Variants in CADM2 observed in about 807,000 individuals in gnomAD.
The protein encoded by CADM2 is immunoglobulin superfamily member 4D.
CADM2 carries 12 observed loss-of-function variants against 49.8 expected under a neutral mutation model. The observed-to-expected ratio is 0.24, with a 90% CI of 0.15 to 0.39. The LOEUF is 0.39. Ranked by LOEUF, CADM2 falls within the 10% of genes least tolerant of loss-of-function variation. CADM2 has a pLI of 1.00. For missense variants in CADM2, 378 were observed against 492.3 expected, an observed-to-expected ratio of 0.77 and a Z score of 2.20; for synonymous variants, 214 against 175.4, an observed-to-expected ratio of 1.22 and a Z score of -1.74.
intron 8 of CADM2, among the ~76,000 whole-genome samples, chr3:85,996,102 AAAAAAT>A (rs1209265384): frequency 6.6e-6 from 1 of 150,434 alleles, no homozygotes; most frequent in Non-Finnish European, 1.5e-5. Context: ...AAAAAAAAAT[AAAAAAT>A]AAAAATAAAA....
At chr3:86,011,301 T>A (rs904974268) in intron 8 of CADM2, among the ~76,000 whole-genome samples, 4 of 152,156 alleles carry the variant, frequency 2.6e-5, no homozygotes, top group African/African-American at 9.6e-5. Flanking sequence ...AAAAGTAAGT[T>A]CATTCACACT....
intron 1 of CADM2, chr3:85,512,026 T>A (rs2040641794): frequency 8.9e-6 from 2 of 224,130 alleles, no homozygotes; most frequent in African/African-American, 4.7e-5. Context: ...CTCATTACAT[T>A]CACAGGGTAC....
intron 5 of CADM2, among the ~76,000 whole-genome samples, chr3:85,911,747 T>C (rs867379694): frequency 5.3e-5 from 8 of 152,144 alleles, no homozygotes; most frequent in East Asian, 1.9e-4. Flanking sequence ...GTAAAACTTA[T>C]AGCTAAGAGA....
intron 2 of CADM2, chr3:85,800,153 G>C (rs2071911957): frequency 6.6e-6 from 1 of 152,362 alleles, no homozygotes; most frequent in Middle Eastern, 3.4e-3. Context: ...GCTCCACCTA[G>C]TCTGAACTTC....
At chr3:85,602,484 A>T (rs921294866) in intron 1 of CADM2, among the ~76,000 whole-genome samples, 2 of 151,844 alleles carry the variant, frequency 1.3e-5, no homozygotes, top group Admixed American at 6.6e-5. Flanking sequence ...TCCAATAACA[A>T]ATCCAACAAC....
chr3:85,302,789 G>A (rs915957936), intron 1 of CADM2, among the ~76,000 whole-genome samples: 1 of 151,894 alleles, frequency 6.6e-6, no homozygotes, highest in Admixed American at 6.6e-5. Context: ...TTCTTCAACA[G>A]CTATGTAATA....
intron 3 of CADM2, among the ~76,000 whole-genome samples, chr3:85,867,847 C>T (rs2075781929): frequency 6.6e-6 from 1 of 152,052 alleles, no homozygotes; most frequent in South Asian, 2.1e-4. Flanking sequence ...ATCACCACTT[C>T]CTTTTCCTTT....
intron 1 of CADM2, among the ~76,000 whole-genome samples, chr3:85,450,838 A>G (rs1210142305): frequency 1.3e-5 from 2 of 152,098 alleles, no homozygotes; most frequent in Non-Finnish European, 2.9e-5. Context: ...AATAAAATAA[A>G]AAGACTATGA....
intron 1 of CADM2, among the ~76,000 whole-genome samples, chr3:85,382,159 T>G (rs569057953): frequency 4.6e-5 from 7 of 152,112 alleles, no homozygotes; most frequent in African/African-American, 1.7e-4. Context: ...AAAAATAAAA[T>G]GAGCTAAAAC....
chr3:85,322,146 G>T lies in CADM2; in HGVS notation c.61+362478G>T, dbSNP rs111934119. Among the ~76,000 whole-genome samples, 943 of 152,230 alleles carry T rather than the reference G, an allele frequency of 6.2e-3. 8 individuals are homozygous for T. Among genetic ancestry groups the T allele is most frequent in the African/African-American group, 0.021 (858 of 41,556 alleles). On this transcript the variant is annotated intron_variant, in intron 1 of 9. Coordinates refer to ENST00000383699, the MANE Select transcript of CADM2 (RefSeq NM_001167675.2). ...ACATTTCAAATAACCAACAGTCCCA[G>T]TGTAAAATAAAAGTGTTCCATTGAG...
At chr3:86,043,846 G>A (rs1015129126) in intron 8 of CADM2, among the ~76,000 whole-genome samples, 2 of 152,068 alleles carry the variant, frequency 1.3e-5, no homozygotes, top group African/African-American at 2.4e-5. Context: ...CAGCATGGTA[G>A]TGGTACCAAA....
At chr3:85,769,783 C>T (rs976146146) in intron 2 of CADM2, among the ~76,000 whole-genome samples, 13 of 150,628 alleles carry the variant, frequency 8.6e-5, no homozygotes, top group African/African-American at 1.7e-4. Context: ...CTTGGTTTTG[C>T]GTGATTTTGA....
intron 1 of CADM2, among the ~76,000 whole-genome samples, chr3:85,014,832 G>C (rs13081745): frequency 1.3e-5 from 2 of 151,916 alleles, no homozygotes; most frequent in Non-Finnish European, 2.9e-5. Flanking sequence ...ATGCTTTCGG[G>C]CACGCAAAAC....
At chr3:85,247,599 T>C (rs889950321) in intron 1 of CADM2, among the ~76,000 whole-genome samples, 4 of 152,156 alleles carry the variant, frequency 2.6e-5, no homozygotes, top group Non-Finnish European at 4.4e-5. Flanking sequence ...ATAAATTAGG[T>C]GAGTAATCCT....
At chr3:85,913,722 T>C (rs1336018873) in intron 6 of CADM2, among the ~76,000 whole-genome samples, 4 of 152,060 alleles carry the variant, frequency 2.6e-5, no homozygotes, top group Admixed American at 6.6e-5. Context: ...ATGAAAAAAA[T>C]AAATAAATGG....
chr3:85,917,819 T>A (rs148063675), intron 6 of CADM2, among the ~76,000 whole-genome samples: 239 of 152,326 alleles, frequency 1.6e-3, no homozygotes, highest in African/African-American at 5.7e-3. Flanking sequence ...GTTCTTCCAT[T>A]TGTTTGTGTC....
At chr3:85,958,753 A>G (rs1724400093) in intron 7 of CADM2, among the ~76,000 whole-genome samples, 1 of 151,990 alleles carries the variant, frequency 6.6e-6, no homozygotes, top group Non-Finnish European at 1.5e-5. Flanking sequence ...TTGCAGGGAT[A>G]TGAATAAAGC....
chr3:84,991,309 A>G (rs1439534660), intron 1 of CADM2, among the ~76,000 whole-genome samples: 4 of 152,232 alleles, frequency 2.6e-5, no homozygotes, highest in Non-Finnish European at 4.4e-5. Context: ...CTAGGTTCAA[A>G]GCACCTCCTA....
chr3:85,297,638 G>C (rs1012430289), intron 1 of CADM2, among the ~76,000 whole-genome samples: 16 of 151,678 alleles, frequency 1.1e-4, no homozygotes, highest in Admixed American at 8.6e-4. Context: ...TTTTGCCTAG[G>C]CCTCCTCATT....
Sources: gnomAD v4.1 joint callset for allele counts (sites outside exome capture counted in the v4.1 genomes callset) on GRCh38, gnomAD v4.1.1 for gene constraint, MANE v1.5 for transcripts, NCBI Gene and HGNC (gene_info 2026-07-23, HGNC 2026-07-21) for gene names.